The following TNIK variants were observed in gnomAD, a reference collection of about 807,000 sequenced individuals.
TNIK encodes the protein TRAF2 and NCK-interacting protein kinase.
In TNIK, 49 loss-of-function variants were observed where a neutral mutation model predicts 191.3. The observed-to-expected ratio is 0.26, with a 90% CI of 0.20 to 0.32. The LOEUF is 0.32. Ranked by LOEUF, TNIK falls within the 10% of genes least tolerant of loss-of-function variation. The pLI is 1.00. For synonymous variants in TNIK, 594 were observed against 600.9 expected, an observed-to-expected ratio of 0.99 and a Z score of 0.17; for missense variants, 1,155 against 1,702.3, an observed-to-expected ratio of 0.68 and a Z score of 5.66.
At chr3:171,296,995 G>T (rs1258049999) in intron 2 of TNIK, among the ~76,000 whole-genome samples, 1 of 152,086 alleles carries the variant, frequency 6.6e-6, no homozygotes, top group Non-Finnish European at 1.5e-5. Context: ...ACCTTCAGCT[G>T]TTTAAACCTA....
chr3:171,278,552 G>A (rs1206248242), intron 2 of TNIK, among the ~76,000 whole-genome samples: 1 of 152,080 alleles, frequency 6.6e-6, no homozygotes. Flanking sequence ...CCATGACCTT[G>A]GTCTTTCTCA....
intron 2 of TNIK, among the ~76,000 whole-genome samples, chr3:171,286,748 T>C (rs753844832): frequency 1.6e-4 from 24 of 152,210 alleles, no homozygotes; most frequent in Admixed American, 6.5e-5. Flanking sequence ...CAATCAACAT[T>C]ACCTGATACC....
intron 12 of TNIK, 77 bp downstream of exon 12, chr3:171,157,383 T>C: frequency 6.6e-7 from 1 of 1,504,770 alleles, no homozygotes; most frequent in African/African-American, 1.4e-5. Context: ...AGGTGGGATG[T>C]GGGCCCCCAG....
chr3:171,228,173 C>T lies in TNIK; in HGVS notation c.172G>A (p.Val58Ile), dbSNP rs922458958. The change falls in exon 3 of 33, where the codon GTC becomes ATC. Residue 58 changes from valine to isoleucine, a missense_variant. This residue lies in a region of TNIK where 225 missense variants were observed against 438.9 expected (regional missense o/e 0.51). Transcript: ENST00000436636. ...GQLAAIKVMD[V>I]TGDEEEEIKQ... is the part of the protein sequence containing the mutation. ...AAAATAAAGACACTTACCCCTGTGA[C>T]ATCCATAACCTTGATGGCTGCAAGC... 5 of 1,613,596 alleles carry T rather than the reference C, an allele frequency of 3.1e-6. No individual in the cohort carries two copies. Among genetic ancestry groups the T allele is most frequent in the Non-Finnish European group, 4.2e-6 (5 of 1,179,602 alleles).
intron 1 of TNIK, among the ~76,000 whole-genome samples, chr3:171,448,434 A>T (rs555965916): frequency 6.6e-6 from 1 of 152,164 alleles, no homozygotes; most frequent in African/African-American, 2.4e-5. Context: ...TGCAGTGTGT[A>T]TCAGCACTTC....
In TNIK at chr3:171,451,805, C is replaced by T. The variant is rs541386831; in HGVS notation, c.57+8202G>A. Reference sequence around the variant, plus strand: ...ACTAGTAGCACCCAATAATCAGGTACTGAATGAATATATACACAAACAAAT... The same window carrying T: ...ACTAGTAGCACCCAATAATCAGGTATTGAATGAATATATACACAAACAAAT... On this transcript the variant is annotated intron_variant, in intron 1 of 32. Transcript: ENST00000436636. Among the ~76,000 whole-genome samples the T allele has an allele frequency of 5.9e-5, 9 of 152,272 alleles. No individual in the cohort carries two copies. The East Asian group carries it at 1.7e-3, about 29-fold the overall frequency.
chr3:171,272,623 T>C (rs111312942), intron 2 of TNIK, among the ~76,000 whole-genome samples: 3 of 152,250 alleles, frequency 2.0e-5, no homozygotes, highest in African/African-American at 7.2e-5. Context: ...AATTCTGCTG[T>C]TGATGCTTTG....
chr3:171,137,975 A>AC (rs1386104639), intron 15 of TNIK, among the ~76,000 whole-genome samples: 1 of 148,094 alleles, frequency 6.8e-6, no homozygotes, highest in Non-Finnish European at 1.5e-5. Context: ...ATACAAAAAA[A>AC]AAAAAAAAAC....
chr3:171,175,822 C>T (rs1735889611), intron 8 of TNIK, among the ~76,000 whole-genome samples: 1 of 152,222 alleles, frequency 6.6e-6, no homozygotes, highest in Non-Finnish European at 1.5e-5. Context: ...AAAACACCAG[C>T]CCCAGAGCCC....
intron 11 of TNIK, among the ~76,000 whole-genome samples, chr3:171,160,279 G>A (rs923269523): frequency 4.6e-5 from 7 of 152,156 alleles, no homozygotes; most frequent in Non-Finnish European, 8.8e-5. Flanking sequence ...TCTTCTTATA[G>A]AAGCTTAGCA....
chr3:171,340,067 C>T (rs1378489388), intron 2 of TNIK, among the ~76,000 whole-genome samples: 1 of 152,106 alleles, frequency 6.6e-6, no homozygotes, highest in Non-Finnish European at 1.5e-5. Flanking sequence ...TAGATACATA[C>T]AATCTACTTC....
intron 2 of TNIK, among the ~76,000 whole-genome samples, chr3:171,352,804 C>T (rs1213771743): frequency 6.6e-6 from 1 of 152,160 alleles, no homozygotes; most frequent in Admixed American, 6.5e-5. Flanking sequence ...GTAAACGCCT[C>T]CTTCTAAGGT....
intron 1 of TNIK, among the ~76,000 whole-genome samples, chr3:171,432,685 G>C (rs1577918135): frequency 1.3e-5 from 2 of 152,044 alleles, no homozygotes; most frequent in African/African-American, 4.8e-5. Context: ...ACAAATTATT[G>C]TTCATTTAAA....
chr3:171,179,895 G>A (rs1177038988), intron 7 of TNIK, among the ~76,000 whole-genome samples: 4 of 152,172 alleles, frequency 2.6e-5, no homozygotes, highest in Admixed American at 2.0e-4. Flanking sequence ...TAAGGTCCCT[G>A]TGCTATTTTG....
At chr3:171,211,654 T>A (rs752540534) in intron 3 of TNIK, among the ~76,000 whole-genome samples, 7 of 152,136 alleles carry the variant, frequency 4.6e-5, no homozygotes, top group Non-Finnish European at 8.8e-5. Context: ...GGCGCTCAGA[T>A]TTAAATTTTG....
intron 12 of TNIK, among the ~76,000 whole-genome samples, chr3:171,155,837 G>A (rs1252513000): frequency 6.6e-6 from 1 of 152,248 alleles, no homozygotes; most frequent in Non-Finnish European, 1.5e-5. Context: ...TGACTTATCA[G>A]TGGAGACACA....
chr3:171,381,920 G>A (rs73046896), intron 1 of TNIK, among the ~76,000 whole-genome samples: 1,790 of 152,234 alleles, frequency 0.012, 37 homozygotes, highest in African/African-American at 0.039. Context: ...TTGTTATAGC[G>A]GAACAATAAA....
intron 4 of TNIK, among the ~76,000 whole-genome samples, chr3:171,204,899 ATCACGGACT>A (rs1418701963): frequency 3.3e-5 from 5 of 152,224 alleles, no homozygotes; most frequent in Admixed American, 1.3e-4. Context: ...TGCTGGCTTC[ATCACGGACT>A]TGCTATAAGA....
intron 19 of TNIK, among the ~76,000 whole-genome samples, chr3:171,109,771 T>C (rs1050098489): frequency 1.3e-5 from 2 of 152,352 alleles, no homozygotes; most frequent in South Asian, 4.1e-4. Context: ...CAATGTATTA[T>C]TATGTATCAG....
Sources: allele counts gnomAD v4.1 joint callset (sites outside exome capture counted in the v4.1 genomes callset), GRCh38; gene constraint gnomAD v4.1.1; regional missense constraint gnomAD v4.1.1; transcripts MANE v1.5; gene names NCBI Gene and HGNC (gene_info 2026-07-23, HGNC 2026-07-21).